SLIT3: variants seen among roughly 807,000 people sequenced by gnomAD.
The protein encoded by SLIT3 is slit guidance ligand 3.
A neutral mutation model predicts 184.0 loss-of-function variants in SLIT3; 68 were observed. The observed-to-expected ratio is 0.37, with a 90% CI of 0.30 to 0.45. The LOEUF is 0.45. Among genes scored for constraint, SLIT3 ranks in the 20% least tolerant of loss-of-function variants. SLIT3 has a pLI of 1.00. For missense variants in SLIT3, 1,707 were observed against 2,026.0 expected (o/e 0.84, Z 3.02); for synonymous variants, 831 against 828.6 (o/e 1.00, Z -0.05).
chr5:168,856,765 TCG>T (rs1758883293), intron 5 of SLIT3, among the ~76,000 whole-genome samples: 3 of 111,452 alleles, frequency 2.7e-5, no homozygotes, highest in Non-Finnish European at 5.5e-5. Context: ...GCTGAGTTCC[TCG>T]TGTGTGTGTG....
At chr5:168,908,866 G>T (rs1761165399) in intron 4 of SLIT3, among the ~76,000 whole-genome samples, 1 of 152,174 alleles carries the variant, frequency 6.6e-6, no homozygotes, top group East Asian at 1.9e-4. Flanking sequence ...AAGACCTGAG[G>T]AGGAATGGCA....
chr5:169,134,115 A>G (rs929828810), intron 4 of SLIT3, among the ~76,000 whole-genome samples: 1 of 152,266 alleles, frequency 6.6e-6, no homozygotes, highest in Non-Finnish European at 1.5e-5. Context: ...GACTATAGAT[A>G]AAAAGCAACT....
chr5:169,070,795 C>G lies in SLIT3; in HGVS notation c.413+122684G>C, dbSNP rs531849142. On this transcript the variant is annotated intron_variant, in intron 4 of 35. Coordinates refer to ENST00000519560, the MANE Select transcript of SLIT3 (RefSeq NM_003062.4). ...GCCTAGACTTGCTCTCTACATTTTCCTCAAAAAAAAAAAAAAAAAAGAAAC... is the reference window on the plus strand; with the variant it reads ...GCCTAGACTTGCTCTCTACATTTTCGTCAAAAAAAAAAAAAAAAAAGAAAC... 5.6e-3 allele frequency among the ~76,000 whole-genome samples: 549 copies of G among 97,248 alleles called. 4 individuals are homozygous for G. Among genetic ancestry groups the G allele is most frequent in the African/African-American group, 0.022 (525 of 24,402 alleles). 63.8% of individuals were successfully genotyped at this position (97,248 alleles called of 152,430 possible).
intron 4 of SLIT3, among the ~76,000 whole-genome samples, chr5:169,097,105 G>A (rs1233418895): frequency 1.3e-5 from 2 of 152,310 alleles, no homozygotes; most frequent in East Asian, 1.9e-4. Flanking sequence ...TGCCACCCAT[G>A]AACCTCGGGT....
intron 23 of SLIT3, chr5:168,712,590 A>G: frequency 1.9e-6 from 1 of 517,216 alleles, no homozygotes; most frequent in South Asian, 2.6e-5. Context: ...TTTCAATCTG[A>G]TAGACCTGAG....
intron 1 of SLIT3, among the ~76,000 whole-genome samples, chr5:169,280,546 G>T (rs1463516819): frequency 6.6e-6 from 1 of 152,146 alleles, no homozygotes; most frequent in East Asian, 1.9e-4. Context: ...TGGCAGAGAC[G>T]CAGGAAAAAT....
At chr5:168,700,884 G>A (rs1248800189) in intron 26 of SLIT3, among the ~76,000 whole-genome samples, 20 of 152,222 alleles carry the variant, frequency 1.3e-4, no homozygotes, top group Admixed American at 1.2e-3. Flanking sequence ...AAGGGGAAGA[G>A]TGATGAGAAG....
chr5:169,077,538 C>CA (rs200160243), intron 4 of SLIT3, among the ~76,000 whole-genome samples: 2 of 150,412 alleles, frequency 1.3e-5, no homozygotes, highest in Middle Eastern at 3.4e-3. Context: ...GACCCCGTCT[C>CA]AAAAAAACAA....
At chr5:168,704,318 G>GCATT (rs1762313017) in intron 26 of SLIT3, among the ~76,000 whole-genome samples, 1 of 138,708 alleles carries the variant, frequency 7.2e-6, no homozygotes, top group African/African-American at 3.5e-5. Context: ...CTGACCCTTT[G>GCATT]TGAAGTATCT....
At position 169,204,027 on chromosome 5, in the gene SLIT3, G is replaced by T. The variant is rs529703121; in HGVS notation, c.342-10477C>A. Among the ~76,000 whole-genome samples the T allele has an allele frequency of 7.9e-5, 12 of 152,244 alleles. No individual in the cohort carries two copies. In the South Asian group the frequency reaches 1.9e-3, roughly 24 times the overall value. On this transcript the variant is annotated intron_variant, in intron 3 of 35. Coordinates refer to ENST00000519560, the MANE Select transcript of SLIT3 (RefSeq NM_003062.4). ...GGTGGTAATTTAAAGCCATGAACTT[G>T]GATGTGGTTACCGTGGGAGATGAAG... is the stretch of plus-strand genomic sequence containing the variant.
intron 4 of SLIT3, among the ~76,000 whole-genome samples, chr5:168,972,396 G>A (rs1406365286): frequency 1.2e-5 from 1 of 86,846 alleles, no homozygotes; most frequent in Non-Finnish European, 2.3e-5. Flanking sequence ...AATCAGAAAA[G>A]AAAGAGTCTT....
intron 4 of SLIT3, among the ~76,000 whole-genome samples, chr5:169,171,545 C>T (rs745388575): frequency 2.6e-5 from 4 of 152,170 alleles, no homozygotes; most frequent in African/African-American, 9.7e-5. Context: ...ATAGCACTCC[C>T]TAGATTGAAA....
At chr5:169,145,578 G>A (rs891799323) in intron 4 of SLIT3, among the ~76,000 whole-genome samples, 3 of 152,162 alleles carry the variant, frequency 2.0e-5, no homozygotes, top group African/African-American at 7.2e-5. Context: ...CTTGTCACCC[G>A]TTAACAGAGC....
intron 6 of SLIT3, among the ~76,000 whole-genome samples, chr5:168,842,466 T>C (rs1371727574): frequency 1.6e-5 from 2 of 124,494 alleles, no homozygotes; most frequent in Non-Finnish European, 3.3e-5. Context: ...ATACCGTTTT[T>C]TCGTTTTTTT....
intron 10 of SLIT3, chr5:168,792,164 A>G (rs1001156708): frequency 1.3e-5 from 2 of 152,198 alleles, no homozygotes; most frequent in African/African-American, 4.8e-5. Flanking sequence ...TGGAGGCACA[A>G]TGCAGGGCAT....
chr5:169,039,930 A>G (rs1377795863), intron 4 of SLIT3, among the ~76,000 whole-genome samples: 2 of 152,226 alleles, frequency 1.3e-5, no homozygotes, highest in African/African-American at 4.8e-5. Flanking sequence ...ACAAAAGCCA[A>G]TGTTTGATTC....
chr5:168,713,050 G>C (rs915504273), intron 23 of SLIT3, among the ~76,000 whole-genome samples: 3 of 152,200 alleles, frequency 2.0e-5, no homozygotes, highest in East Asian at 1.9e-4. Context: ...AGAGATCTTA[G>C]GCACGTTGAG....
intron 4 of SLIT3, among the ~76,000 whole-genome samples, chr5:169,119,071 G>A (rs1051246230): frequency 1.3e-5 from 2 of 152,194 alleles, no homozygotes; most frequent in African/African-American, 4.8e-5. Flanking sequence ...ATCCATGCCT[G>A]TCTGGATCCA....
intron 5 of SLIT3, among the ~76,000 whole-genome samples, chr5:168,864,570 G>T (rs1174025367): frequency 1.3e-5 from 2 of 152,192 alleles, no homozygotes; most frequent in Non-Finnish European, 2.9e-5. Flanking sequence ...CAGATTGCCT[G>T]TTGAGGGGGT....
Sources: gnomAD v4.1 joint callset for allele counts (sites outside exome capture counted in the v4.1 genomes callset) on GRCh38, gnomAD v4.1.1 for gene constraint, MANE v1.5 for transcripts, NCBI Gene and HGNC (gene_info 2026-07-23, HGNC 2026-07-21) for gene names.